Variants in CALN1 observed in about 807,000 individuals in gnomAD.
The protein encoded by CALN1 is calcium-binding protein 8.
CALN1 carries 17 observed loss-of-function variants against 30.6 expected under a neutral mutation model. The observed-to-expected ratio is 0.56, with a 90% CI of 0.38 to 0.83. The LOEUF (loss-of-function observed/expected upper bound fraction) is 0.83. Ranked by LOEUF, CALN1 falls within the 40% of genes least tolerant of loss-of-function variation. The pLI is 0.00. For missense variants in CALN1, 291 were observed against 354.9 expected (o/e 0.82, Z 1.45); for synonymous variants, 156 against 131.4 (o/e 1.19, Z -1.28).
At chr7:71,933,082 A>C (rs1795643790) in intron 5 of CALN1, among the ~76,000 whole-genome samples, 1 of 152,128 alleles carries the variant, frequency 6.6e-6, no homozygotes, top group Admixed American at 6.5e-5. Flanking sequence ...AGCTACAGAC[A>C]TAGACATGCA....
chr7:72,053,290 A>G (rs888761708), intron 4 of CALN1, among the ~76,000 whole-genome samples: 1 of 152,068 alleles, frequency 6.6e-6, no homozygotes, highest in African/African-American at 2.4e-5. Context: ...TACACCAAAG[A>G]CTCCCAGAAA....
intron 5 of CALN1, among the ~76,000 whole-genome samples, chr7:71,906,083 A>G (rs1794119479): frequency 6.6e-6 from 1 of 152,192 alleles, no homozygotes; most frequent in African/African-American, 2.4e-5. Flanking sequence ...CCTCCCACCA[A>G]GTTCCTCCCT....
chr7:72,409,559 G>A (rs1012208398), intron 1 of CALN1, among the ~76,000 whole-genome samples: 8 of 151,598 alleles, frequency 5.3e-5, no homozygotes, highest in Non-Finnish European at 8.8e-5. Flanking sequence ...TGGTGCATGG[G>A]TTACAAGCAG....
chr7:71,807,575 T>C (rs912595213), intron 6 of CALN1, among the ~76,000 whole-genome samples: 6 of 152,194 alleles, frequency 3.9e-5, no homozygotes, highest in African/African-American at 1.4e-4. Context: ...CCAGAGGTCA[T>C]ACAAGAATGC....
At chr7:71,861,779 A>C (rs1463683468) in intron 5 of CALN1, among the ~76,000 whole-genome samples, 1 of 32,414 alleles carries the variant, frequency 3.1e-5, no homozygotes, top group Admixed American at 4.6e-4. Context: ...ACTCTATCCA[A>C]AAAAAAAAAA....
chr7:72,021,288 A>C (rs1207797499), intron 5 of CALN1, among the ~76,000 whole-genome samples: 1 of 151,982 alleles, frequency 6.6e-6, no homozygotes, highest in Non-Finnish European at 1.5e-5. Flanking sequence ...AATACACAAA[A>C]AACAAGCAAA....
In CALN1 at chr7:71,790,368, A is replaced by AAAAGAAAG. The variant is rs66616944; in HGVS notation, c.659-2474_659-2467dup. 9.8e-3 allele frequency among the ~76,000 whole-genome samples: 1,216 copies of AAAAGAAAG among 123,750 alleles called. 9 individuals carry two copies. Among genetic ancestry groups the AAAAGAAAG allele is most frequent in the African/African-American group, 0.012 (389 of 31,612 alleles). The allele number at this position is 123,750 out of a possible 152,430, so 81.2% of individuals were successfully genotyped here. ...AAAGAAAAGAAAGAAAGAAAGAAAG[A>AAAAGAAAG]AAAGAAAGAAAGAAAGAAAGAAAGA... On this transcript the variant is annotated intron_variant, in intron 6 of 6. Transcript: ENST00000395275.
chr7:71,788,462 T>A (rs1268705818), intron 6 of CALN1, among the ~76,000 whole-genome samples: 1 of 150,120 alleles, frequency 6.7e-6, no homozygotes, highest in East Asian at 2.1e-4. Flanking sequence ...ACAAGCAGCA[T>A]CCCCATTACT....
At chr7:72,402,994 G>C (rs907377396) in intron 2 of CALN1, among the ~76,000 whole-genome samples, 4 of 152,182 alleles carry the variant, frequency 2.6e-5, no homozygotes, top group African/African-American at 4.8e-5. Flanking sequence ...TTGTTCACCT[G>C]AAAACAAGCA....
At chr7:72,186,843 T>G (rs913298157) in intron 3 of CALN1, among the ~76,000 whole-genome samples, 2 of 151,652 alleles carry the variant, frequency 1.3e-5, no homozygotes, top group Non-Finnish European at 2.9e-5. Flanking sequence ...TCTCTGACTT[T>G]GCTATTGTGA....
chr7:72,129,278 A>T (rs575782340), intron 3 of CALN1, among the ~76,000 whole-genome samples: 1 of 152,306 alleles, frequency 6.6e-6, no homozygotes, highest in South Asian at 2.1e-4. Context: ...TAGTGATGGG[A>T]GTGTGTGTTA....
intron 2 of CALN1, among the ~76,000 whole-genome samples, chr7:72,333,250 T>TA (rs1801792695): frequency 6.6e-6 from 1 of 152,248 alleles, no homozygotes; most frequent in Admixed American, 6.5e-5. Flanking sequence ...TGTTCAACCC[T>TA]AACACATGGT....
intron 5 of CALN1, among the ~76,000 whole-genome samples, chr7:71,992,608 T>C (rs953247797): frequency 6.6e-6 from 1 of 152,196 alleles, no homozygotes; most frequent in African/African-American, 2.4e-5. Context: ...TCCTCCAGCC[T>C]TGACCTTCCA....
intron 2 of CALN1, among the ~76,000 whole-genome samples, chr7:72,345,197 T>C (rs904521769): frequency 6.7e-6 from 1 of 150,032 alleles, no homozygotes; most frequent in Admixed American, 6.6e-5. Flanking sequence ...ATCACAGGCA[T>C]AGAAGGAAAA....
chr7:71,981,995 C>T (rs1798423048), intron 5 of CALN1, among the ~76,000 whole-genome samples: 1 of 152,176 alleles, frequency 6.6e-6, no homozygotes, highest in Admixed American at 6.5e-5. Flanking sequence ...TCATCCCAGC[C>T]AGGCACGCTG....
intron 3 of CALN1, among the ~76,000 whole-genome samples, chr7:72,162,580 A>C (rs1457587394): frequency 6.7e-6 from 1 of 149,160 alleles, no homozygotes; most frequent in African/African-American, 2.5e-5. Flanking sequence ...CTAAAAATAC[A>C]AAAAAAAAAT....
At chr7:71,822,899 A>G (rs1788677586) in intron 5 of CALN1, among the ~76,000 whole-genome samples, 1 of 152,196 alleles carries the variant, frequency 6.6e-6, no homozygotes, top group Non-Finnish European at 1.5e-5. Context: ...CTGCTACTTC[A>G]TTATATTTAA....
At chr7:72,422,444 A>C (rs1396598558) in intron 1 of CALN1, among the ~76,000 whole-genome samples, 1 of 152,196 alleles carries the variant, frequency 6.6e-6, no homozygotes, top group Admixed American at 6.5e-5. Flanking sequence ...AAGTCTTTTC[A>C]AGGTAGCAGC....
chr7:72,338,712 CATGAG>C (rs533071390), intron 2 of CALN1, among the ~76,000 whole-genome samples: 5 of 151,952 alleles, frequency 3.3e-5, no homozygotes, highest in Non-Finnish European at 5.9e-5. Context: ...TTATGGGGTA[CATGAG>C]ATGTTTTGTT....
Sources: allele counts gnomAD v4.1 joint callset (sites outside exome capture counted in the v4.1 genomes callset), GRCh38; gene constraint gnomAD v4.1.1; transcripts MANE v1.5; gene names NCBI Gene and HGNC (gene_info 2026-07-23, HGNC 2026-07-21).